PBLD: variants seen among roughly 807,000 people sequenced by gnomAD.
PBLD encodes phenazine biosynthesis like protein domain containing.
Under a neutral mutation model 31.3 loss-of-function variants are expected in PBLD, and 26 were observed. The ratio of observed to expected loss-of-function variants is 0.83; its 90% confidence interval spans 0.61 to 1.15. The LOEUF (loss-of-function observed/expected upper bound fraction) is 1.15. Among genes scored for constraint, PBLD ranks in the 50% most tolerant of loss-of-function variants. The probability of loss-of-function intolerance (pLI) is 0.00; values close to 1 mark genes in which losing one functional copy is unlikely to be tolerated. For synonymous variants in PBLD, 114 were observed against 129.0 expected (o/e 0.88, Z 0.79); for missense variants, 307 against 351.7 (o/e 0.87, Z 1.02).
At chr10:68,307,764 G>C (rs2044602570) in intron 1 of PBLD, among the ~76,000 whole-genome samples, 2 of 152,168 alleles carry the variant, frequency 1.3e-5, no homozygotes, top group Non-Finnish European at 2.9e-5. Context: ...CTCCCAAAGT[G>C]CTGGGATTAC....
chr10:68,330,718 G>GTC (rs1312262038), intron 1 of PBLD, among the ~76,000 whole-genome samples: 3 of 32,144 alleles, frequency 9.3e-5, no homozygotes, highest in African/African-American at 3.3e-4. Flanking sequence ...GCGTGTGTGT[G>GTC]TGTGTGTGTG....
In PBLD at chr10:68,313,911, T is replaced by C. The variant is rs568289692; in HGVS notation, c.-59-7008A>G. On this transcript the variant is annotated intron_variant, in intron 1 of 9. Coordinates refer to ENST00000358769, the MANE Select transcript of PBLD (RefSeq NM_022129.4). ...TGCTGCTCTGTTAAGGAAGCTGTAC[T>C]TGACAATCCAATTGAACTGGAGGTT... Among the ~76,000 whole-genome samples the C allele has an allele frequency of 1.5e-3, 229 of 152,310 alleles. 2 individuals carry two copies. Among genetic ancestry groups the C allele is most frequent in the African/African-American group, 5.2e-3 (216 of 41,578 alleles).
intron 1 of PBLD, among the ~76,000 whole-genome samples, chr10:68,325,105 G>A (rs1476906804): frequency 6.6e-6 from 1 of 151,610 alleles, no homozygotes; most frequent in Non-Finnish European, 1.5e-5. Context: ...GTAGCCAGGT[G>A]CGGTGGCAGG....
At chr10:68,285,044 G>A in intron 9 of PBLD, 1 of 1,234,182 alleles carries the variant, frequency 8.1e-7, no homozygotes, top group Non-Finnish European at 1.0e-6. Context: ...TCATCATCCA[G>A]TCTCAACCCA....
chr10:68,328,903 A>G (rs2044968125), intron 1 of PBLD, among the ~76,000 whole-genome samples: 1 of 152,116 alleles, frequency 6.6e-6, no homozygotes, highest in East Asian at 1.9e-4. Flanking sequence ...TTTGAGACGG[A>G]GTCTCGTTCT....
At chr10:68,285,661 C>A (rs1589645190) in intron 8 of PBLD, among the ~76,000 whole-genome samples, 1 of 151,860 alleles carries the variant, frequency 6.6e-6, no homozygotes, top group African/African-American at 2.4e-5. Context: ...TTCCTTTTTT[C>A]TTTTTATTTT....
At chr10:68,313,204 C>G (rs889429510) in intron 1 of PBLD, among the ~76,000 whole-genome samples, 1 of 152,154 alleles carries the variant, frequency 6.6e-6, no homozygotes. Flanking sequence ...CTTGAGCCAA[C>G]GTGCCGGGCC....
intron 1 of PBLD, among the ~76,000 whole-genome samples, chr10:68,325,112 CAG>C (rs1011394372): frequency 1.3e-5 from 2 of 151,292 alleles, no homozygotes; most frequent in Non-Finnish European, 2.9e-5. Context: ...GGTGCGGTGG[CAG>C]GCACCTGTAA....
At chr10:68,299,666 G>A (rs577229951) in intron 2 of PBLD, among the ~76,000 whole-genome samples, 1 of 151,930 alleles carries the variant, frequency 6.6e-6, no homozygotes, top group South Asian at 2.1e-4. Context: ...GACCAGCCTG[G>A]CCAACATGGC....
chr10:68,326,265 C>G (rs1273228938), intron 1 of PBLD, among the ~76,000 whole-genome samples: 1 of 152,086 alleles, frequency 6.6e-6, no homozygotes, highest in Non-Finnish European at 1.5e-5. Context: ...ATCTTGAACT[C>G]CTGATCTCAA....
chr10:68,311,298 G>T (rs1330393805), intron 1 of PBLD, among the ~76,000 whole-genome samples: 1 of 151,822 alleles, frequency 6.6e-6, no homozygotes, highest in Non-Finnish European at 1.5e-5. Context: ...ACAAAAATTA[G>T]CTGGGCGGCC....
At chr10:68,331,223 A>C (rs1291243105) in intron 1 of PBLD, 1 of 152,220 alleles carries the variant, frequency 6.6e-6, no homozygotes, top group Non-Finnish European at 1.5e-5. Context: ...TGACAGCAAA[A>C]CCAAAATGTA....
intron 2 of PBLD, among the ~76,000 whole-genome samples, chr10:68,301,085 G>C (rs554792851): frequency 7.2e-5 from 11 of 152,012 alleles, no homozygotes; most frequent in Non-Finnish European, 1.3e-4. Context: ...TATTAGAGAT[G>C]AGGTTTCACC....
At chr10:68,298,802 TAACTC>T (rs945634972) in intron 2 of PBLD, among the ~76,000 whole-genome samples, 5 of 149,018 alleles carry the variant, frequency 3.4e-5, no homozygotes, top group Non-Finnish European at 7.4e-5. Context: ...ACATTCCTCT[TAACTC>T]AAGAAAAAAG....
chr10:68,318,373 A>AT (rs1347975775), intron 1 of PBLD, among the ~76,000 whole-genome samples: 13 of 83,798 alleles, frequency 1.6e-4, no homozygotes, highest in Non-Finnish European at 2.7e-4. Flanking sequence ...CCCTGCCTCT[A>AT]TTAAAAAAAA....
chr10:68,324,085 T>A (rs183248606), intron 1 of PBLD, among the ~76,000 whole-genome samples: 53 of 152,296 alleles, frequency 3.5e-4, no homozygotes, highest in Admixed American at 2.4e-3. Flanking sequence ...ATCCTTGACT[T>A]CTTTTCACTC....
At chr10:68,312,149 A>G (rs1415511752) in intron 1 of PBLD, among the ~76,000 whole-genome samples, 1 of 152,236 alleles carries the variant, frequency 6.6e-6, no homozygotes, top group Non-Finnish European at 1.5e-5. Flanking sequence ...ATATTGCTGC[A>G]ATAAACACAA....
chr10:68,304,105 G>A (rs545205356), intron 2 of PBLD, among the ~76,000 whole-genome samples: 5 of 152,254 alleles, frequency 3.3e-5, no homozygotes, highest in South Asian at 2.1e-4. Context: ...GCGTTTATTT[G>A]TCTCTGACAT....
intron 8 of PBLD, among the ~76,000 whole-genome samples, chr10:68,286,528 G>A (rs1327644378): frequency 2.0e-5 from 3 of 151,740 alleles, no homozygotes; most frequent in Non-Finnish European, 2.9e-5. Flanking sequence ...CTGTAGAGAC[G>A]TGGTCTCCCT....
Sources: gnomAD v4.1 joint callset for allele counts (sites outside exome capture counted in the v4.1 genomes callset) on GRCh38, gnomAD v4.1.1 for gene constraint, MANE v1.5 for transcripts, NCBI Gene and HGNC (gene_info 2026-07-23, HGNC 2026-07-21) for gene names.